The following KCNMA1 variants were observed in gnomAD, a reference collection of about 807,000 sequenced individuals.
The protein encoded by KCNMA1 is Calcium-activated potassium channel subunit alpha-1.
Under a neutral mutation model 140.0 loss-of-function variants are expected in KCNMA1, and 29 were observed. The ratio of observed to expected loss-of-function variants is 0.21; its 90% CI spans 0.15 to 0.28. The LOEUF (loss-of-function observed/expected upper bound fraction) is 0.28. Among genes scored for constraint, KCNMA1 ranks in the 10% least tolerant of loss-of-function variants. The pLI is 1.00. For missense variants in KCNMA1, 880 were observed against 1,602.2 expected, an observed-to-expected ratio of 0.55 and a Z score of 7.70; for synonymous variants, 612 against 611.9, an observed-to-expected ratio of 1.00 and a Z score of 0.00.
At chr10:77,131,413 C>T (rs1038610292) in intron 5 of KCNMA1, among the ~76,000 whole-genome samples, 4 of 151,810 alleles carry the variant, frequency 2.6e-5, no homozygotes, top group African/African-American at 9.7e-5. Flanking sequence ...CTGTCAAGTA[C>T]ATCTACATAT....
intron 2 of KCNMA1, among the ~76,000 whole-genome samples, chr10:77,353,881 T>C (rs1446585661): frequency 1.3e-5 from 2 of 151,408 alleles, no homozygotes; most frequent in African/African-American, 4.9e-5. Flanking sequence ...GCAGGCACAG[T>C]TGGTGAACAG....
At chr10:77,061,231 T>C (rs1164932277) in intron 14 of KCNMA1, among the ~76,000 whole-genome samples, 1 of 151,826 alleles carries the variant, frequency 6.6e-6, no homozygotes, top group Non-Finnish European at 1.5e-5. Context: ...GTTAAGAAAA[T>C]GAAAACACAA....
At position 77,203,333 on chromosome 10, in the gene KCNMA1, G is replaced by A. The variant is rs554241957; in HGVS notation, c.603-18417C>T. Among the ~76,000 whole-genome samples the A allele has an allele frequency of 1.8e-4, 28 of 152,240 alleles. No individual in the cohort carries two copies. In the South Asian group the frequency reaches 5.4e-3, roughly 29 times the overall value. ...AGCAGCTAAGAATGGACGGGCTGCT[G>A]CATTCACTCCTCTGTTTCACACCCA... On this transcript the variant is annotated intron_variant, in intron 3 of 27. Coordinates refer to ENST00000286628, the MANE Select transcript of KCNMA1 (RefSeq NM_001161352.2).
intron 9 of KCNMA1, among the ~76,000 whole-genome samples, chr10:77,097,119 T>C (rs1238971466): frequency 6.6e-6 from 1 of 152,156 alleles, no homozygotes; most frequent in Non-Finnish European, 1.5e-5. Flanking sequence ...CAAGCTGGCC[T>C]TTCCTTTCCT....
intron 1 of KCNMA1, chr10:77,636,771 T>A: frequency 1.4e-6 from 2 of 1,459,490 alleles, no homozygotes; most frequent in Non-Finnish European, 1.8e-6. Context: ...AAAGGATTTT[T>A]CCCTTCTTTC....
chr10:77,029,358 T>C (rs2093744413), intron 15 of KCNMA1, among the ~76,000 whole-genome samples: 1 of 152,172 alleles, frequency 6.6e-6, no homozygotes, highest in Non-Finnish European at 1.5e-5. Context: ...TGTGGGTCAA[T>C]TTAATCCCCT....
intron 1 of KCNMA1, among the ~76,000 whole-genome samples, chr10:77,482,315 C>T (rs2098407321): frequency 6.6e-6 from 1 of 152,300 alleles, no homozygotes; most frequent in East Asian, 1.9e-4. Context: ...TGCTGGGTCC[C>T]AGGGCCAAAG....
At chr10:76,888,343 TG>T (rs2038207081) in intron 27 of KCNMA1, 1 of 152,254 alleles carries the variant, frequency 6.6e-6, no homozygotes, top group African/African-American at 2.4e-5. Context: ...TTCTCAATTC[TG>T]GCTATACACT....
At chr10:77,348,666 T>C (rs1208521765) in intron 2 of KCNMA1, among the ~76,000 whole-genome samples, 1 of 152,228 alleles carries the variant, frequency 6.6e-6, no homozygotes, top group African/African-American at 2.4e-5. Flanking sequence ...GATCCAGAAA[T>C]ATATTTCTGT....
chr10:77,369,305 G>A (rs1287517184), intron 2 of KCNMA1, among the ~76,000 whole-genome samples: 1 of 152,148 alleles, frequency 6.6e-6, no homozygotes, highest in Non-Finnish European at 1.5e-5. Flanking sequence ...AGTCATCTGG[G>A]AGGATTTACA....
At chr10:77,190,139 C>G (rs778825575) in intron 3 of KCNMA1, among the ~76,000 whole-genome samples, 3 of 152,136 alleles carry the variant, frequency 2.0e-5, no homozygotes, top group Non-Finnish European at 4.4e-5. Flanking sequence ...TCGAGGCCAA[C>G]CTCCAGGCTT....
intron 3 of KCNMA1, among the ~76,000 whole-genome samples, chr10:77,248,305 G>C (rs2059005628): frequency 6.6e-6 from 1 of 152,106 alleles, no homozygotes; most frequent in African/African-American, 2.4e-5. Context: ...CAAAGGGCTG[G>C]GTGCAGAGAG....
At chr10:76,964,143 C>A (rs1346010120) in intron 20 of KCNMA1, among the ~76,000 whole-genome samples, 1 of 151,856 alleles carries the variant, frequency 6.6e-6, no homozygotes, top group Non-Finnish European at 1.5e-5. Context: ...CACCACTGCC[C>A]ACCACCCTCT....
intron 2 of KCNMA1, among the ~76,000 whole-genome samples, chr10:77,361,884 C>A (rs745363): frequency 0.025 from 3,864 of 152,356 alleles, 135 homozygotes; most frequent in Admixed American, 0.11. Flanking sequence ...CAAGCCCAGG[C>A]ACCTCCTCAG....
chr10:77,439,999 T>C (rs1174078904), intron 1 of KCNMA1, among the ~76,000 whole-genome samples: 1 of 152,220 alleles, frequency 6.6e-6, no homozygotes, highest in Non-Finnish European at 1.5e-5. Flanking sequence ...GGGCTGCCTA[T>C]GAAAGGCCTT....
intron 1 of KCNMA1, among the ~76,000 whole-genome samples, chr10:77,423,873 T>C (rs956258213): frequency 1.3e-5 from 2 of 152,182 alleles, no homozygotes; most frequent in African/African-American, 4.8e-5. Flanking sequence ...AGTCAAGCAT[T>C]CCTTCTCTCT....
At chr10:77,249,711 G>C (rs1453721363) in intron 3 of KCNMA1, 1 of 152,208 alleles carries the variant, frequency 6.6e-6, no homozygotes, top group Non-Finnish European at 1.5e-5. Context: ...AAGACCAGGG[G>C]CTTTAGAGGA....
At chr10:76,891,442 C>T in intron 26 of KCNMA1, 83 bp downstream of exon 26, 1 of 1,058,202 alleles carries the variant, frequency 9.4e-7, no homozygotes, top group East Asian at 2.5e-5. Context: ...AGATGCCTAG[C>T]TTGTCACATC....
intron 1 of KCNMA1, among the ~76,000 whole-genome samples, chr10:77,415,695 C>T (rs962020088): frequency 6.6e-6 from 1 of 152,220 alleles, no homozygotes; most frequent in East Asian, 1.9e-4. Context: ...AGGATCCAGC[C>T]CCCAAGGAGC....
Sources: allele counts gnomAD v4.1 joint callset (sites outside exome capture counted in the v4.1 genomes callset), GRCh38; gene constraint gnomAD v4.1.1; transcripts MANE v1.5; gene names NCBI Gene and HGNC (gene_info 2026-07-23, HGNC 2026-07-21).